H2AX: variants seen among roughly 807,000 people sequenced by gnomAD.
H2AX encodes H2A.X variant histone, also known as histone H2AX.
In H2AX, 2 loss-of-function variants were observed where a neutral mutation model predicts 8.0. The ratio of observed to expected loss-of-function variants is 0.25; its 90% CI spans 0.10 to 0.79. The LOEUF is 0.79. H2AX is among the 30% of genes least tolerant of loss of function. H2AX has a pLI of 0.69. For missense variants in H2AX, 105 were observed against 201.0 expected (o/e 0.52, Z 2.89); for synonymous variants, 110 against 102.5 (o/e 1.07, Z -0.44).
rs1413031146 is a variant in H2AX, at chr11:119,095,373, C to T, written c.22G>A (p.Gly8Ser). The change falls in exon 1 of 1, where the codon GGC (glycine) becomes AGC (serine). Residue 8 changes from glycine (G) to serine (S), a missense_variant. Physicochemically the swap from Gly to Ser is moderately conservative, Grantham distance 56 (BLOSUM62 0). This residue lies in a region of H2AX where 21 missense variants were observed against 22.7 expected (regional missense o/e 0.93). Coordinates refer to ENST00000530167, the MANE Select transcript of H2AX (RefSeq NM_002105.3). ...TTGGCCTTGGCGCGGGCCTTGCCGCCAGTCTTGCCGCGGCCCGACATGCTA... is the reference window on the plus strand; with the variant it reads ...TTGGCCTTGGCGCGGGCCTTGCCGCTAGTCTTGCCGCGGCCCGACATGCTA... MSGRGKT[G>S]GKARAKAKSR... The T allele has an allele frequency of 6.3e-7, 1 of 1,576,442 alleles. No homozygotes were observed. The highest frequency in any genetic ancestry group is 8.6e-7 in the Non-Finnish European group (1 of 1,164,996).
In H2AX at chr11:119,095,436, A is replaced by T. The variant is rs1288405784; in HGVS notation, c.-42T>A. 1 of 1,459,468 alleles carries T rather than the reference A, an allele frequency of 6.9e-7. No individual in the cohort carries two copies. Among genetic ancestry groups the T allele is most frequent in the Non-Finnish European group, 9.0e-7 (1 of 1,112,344 alleles). 90.4% of individuals were successfully genotyped at this position (1,459,468 alleles called of 1,614,324 possible). A position where few individuals can be genotyped will look rare whatever the true frequency, so the allele number is the denominator to read the frequency against. ...GGTGAAGCACGACGGCTCAAACACT[A>T]GAACAGACGCCCGCCGCAGTGTAAC... On this transcript the variant is annotated 5_prime_UTR_variant, in exon 1 of 1. Transcript: ENST00000530167.
Position 119,094,919 on chromosome 11 carries a change from G to A in H2AX, c.*44C>T, listed in dbSNP as rs1338336716. 6.5e-7 allele frequency: 1 copy of A among 1,545,216 alleles called. No individual in the cohort carries two copies. Among genetic ancestry groups the A allele is most frequent in the Non-Finnish European group, 8.7e-7 (1 of 1,149,540 alleles). On this transcript the variant is annotated 3_prime_UTR_variant, in exon 1 of 1. Transcript: ENST00000530167. ...TGGTGGCCCTTAAAAGGGCCTTTGTGGTGGCATGGGGAGGCCTGGCGGCCG... is the reference window on the plus strand; with the variant it reads ...TGGTGGCCCTTAAAAGGGCCTTTGTAGTGGCATGGGGAGGCCTGGCGGCCG...
rs958882640 is a variant in H2AX at position 119,095,218 on chromosome 11, G to A, written c.177C>T (p.Leu59=). 6 of 1,613,832 alleles carry A rather than the reference G, an allele frequency of 3.7e-6. No individual in the cohort carries two copies. The highest frequency in any genetic ancestry group is 4.2e-6 in the Non-Finnish European group (5 of 1,179,890). Residue 59 remains leucine (L), a synonymous_variant, in exon 1 of 1, where the codon CTC becomes CTT. Coordinates refer to ENST00000530167, the MANE Select transcript of H2AX (RefSeq NM_002105.3). The stretch of plus-strand genomic sequence containing the variant: ...CCGCCAGCTCCAGGATCTCAGCGGT[G>A]AGGTACTCCAGCACTGCCGCCAGGT... ...PVYLAAVLEY[L]TAEILELAGN...
At position 119,094,915 on chromosome 11, in the gene H2AX, T is replaced by G; in HGVS notation, c.*48A>C. On this transcript the variant is annotated 3_prime_UTR_variant, in exon 1 of 1. Transcript: ENST00000530167. ...GCGGTGGTGGCCCTTAAAAGGGCCT[T>G]TGTGGTGGCATGGGGAGGCCTGGCG... The G allele has an allele frequency of 6.5e-7, 1 of 1,532,692 alleles. No homozygotes were observed. Among genetic ancestry groups the G allele is most frequent in the Non-Finnish European group, 8.8e-7 (1 of 1,141,278 alleles). 94.9% of individuals were successfully genotyped at this position (1,532,692 alleles called of 1,614,324 possible).
At position 119,094,866 on chromosome 11, in the gene H2AX, A is replaced by G; in HGVS notation, c.*97T>C. On this transcript the variant is annotated 3_prime_UTR_variant, in exon 1 of 1. Coordinates refer to ENST00000530167, the MANE Select transcript of H2AX (RefSeq NM_002105.3). ...GCGGCCCGCTTGCCCCGCAGTCTGA[A>G]GCGGCTCAGCTCTTTCCATGAGGGC... 1.6e-6 allele frequency: 2 copies of G among 1,279,410 alleles called. No individual in the cohort carries two copies. Among genetic ancestry groups the G allele is most frequent in the Non-Finnish European group, 2.1e-6 (2 of 954,192 alleles). The allele number at this position is 1,279,410 out of a possible 1,614,324, so 79.3% of individuals were successfully genotyped here.
In H2AX at chr11:119,095,035, C is replaced by T. The variant is rs773214518; in HGVS notation, c.360G>A (p.Lys120=). The change falls in exon 1 of 1, where the codon AAG becomes AAA. Residue 120 remains lysine, a synonymous_variant. Coordinates refer to ENST00000530167, the MANE Select transcript of H2AX (RefSeq NM_002105.3). The stretch of plus-strand genomic sequence containing the variant: ...CCTTCGGCCCCACGGTGGCGCTGGT[C>T]TTCTTGGGCAGCAGCACGGCCTGGA... ...PNIQAVLLPK[K]TSATVGPKAP... The T allele has an allele frequency of 2.8e-5, 45 of 1,613,486 alleles. No homozygotes were observed. The highest frequency in any genetic ancestry group is 3.6e-5 in the Non-Finnish European group (42 of 1,179,816).
chr11:119,094,459 C>G lies in H2AX; in HGVS notation c.*504G>C, dbSNP rs1287553024. ...CTGCAGCTGCCGAGGGCCTCACTCA[C>G]CTTCAGGGCCGCCGGCCTCTCGGCC... On this transcript the variant is annotated 3_prime_UTR_variant, in exon 1 of 1. Transcript: ENST00000530167. 7 of 152,432 alleles carry G rather than the reference C, an allele frequency of 4.6e-5. No individual in the cohort carries two copies. The highest frequency in any genetic ancestry group is 4.6e-4 in the Admixed American group (7 of 15,292). The allele number at this position is 152,432 out of a possible 1,614,324, so 9.4% of individuals were successfully genotyped here. A position where few individuals can be genotyped will look rare whatever the true frequency, so the allele number is the denominator to read the frequency against.
At position 119,094,403 on chromosome 11, in the gene H2AX, C is replaced by A. The variant is rs2134891031; in HGVS notation, c.*560G>T. 1 of 152,396 alleles carries A rather than the reference C, an allele frequency of 6.6e-6. No homozygotes were observed. Among genetic ancestry groups the A allele is most frequent in the Admixed American group, 6.5e-5 (1 of 15,310 alleles). 9.4% of individuals were successfully genotyped at this position (152,396 alleles called of 1,614,324 possible). On this transcript the variant is annotated 3_prime_UTR_variant, in exon 1 of 1. Coordinates refer to ENST00000530167, the MANE Select transcript of H2AX (RefSeq NM_002105.3). ...CCGCGTCTGAAAGTCCTGGGCTAAG[C>A]ACCACGCCGGGGGGGTACCAGACAC...
Position 119,094,832 on chromosome 11 carries a change from A to C in H2AX, c.*131T>G. 1 of 973,406 alleles carries C rather than the reference A, an allele frequency of 1.0e-6. No homozygotes were observed. The highest frequency in any genetic ancestry group is 1.5e-6 in the Non-Finnish European group (1 of 687,246). 60.3% of individuals were successfully genotyped at this position (973,406 alleles called of 1,614,324 possible). A position where few individuals can be genotyped will look rare whatever the true frequency, so the allele number is the denominator to read the frequency against. On this transcript the variant is annotated 3_prime_UTR_variant, in exon 1 of 1. Coordinates refer to ENST00000530167, the MANE Select transcript of H2AX (RefSeq NM_002105.3). The stretch of plus-strand genomic sequence containing the variant: ...AAGGCGGGCGAGGGGAGGGGAGGGG[A>C]AGGGAGCCGCGGCCCGCTTGCCCCG...
Position 119,094,710 on chromosome 11 carries a change from C to G in H2AX, c.*253G>C. ...CGCATCCGGAAGGCCCGAACCCTAC[C>G]GGAGGGCGGACGGCGGACAGGGCAG... is the stretch of plus-strand genomic sequence containing the variant. On this transcript the variant is annotated 3_prime_UTR_variant, in exon 1 of 1. Coordinates refer to ENST00000530167, the MANE Select transcript of H2AX (RefSeq NM_002105.3). The G allele has an allele frequency of 5.1e-6, 2 of 392,110 alleles. No homozygotes were observed. The highest frequency in any genetic ancestry group is 4.4e-5 in the East Asian group (1 of 22,676). The allele number at this position is 392,110 out of a possible 1,614,324, so 24.3% of individuals were successfully genotyped here.
rs566668662 is a variant in H2AX at position 119,094,413 on chromosome 11, G to A, written c.*550C>T. ...AAGTCCTGGGCTAAGCACCACGCCG[G>A]GGGGGTACCAGACACCCCGGCTGCA... On this transcript the variant is annotated 3_prime_UTR_variant, in exon 1 of 1. Coordinates refer to ENST00000530167, the MANE Select transcript of H2AX (RefSeq NM_002105.3). The A allele has an allele frequency of 2.6e-5, 4 of 152,244 alleles. No individual in the cohort carries two copies. Among genetic ancestry groups the A allele is most frequent in the African/African-American group, 4.8e-5 (2 of 41,460 alleles). The allele number at this position is 152,244 out of a possible 1,614,324, so 9.4% of individuals were successfully genotyped here.
chr11:119,094,774 C>CG lies in H2AX; in HGVS notation c.*188dup. The CG allele has an allele frequency of 1.6e-6, 1 of 607,798 alleles. No homozygotes were observed. Among genetic ancestry groups the CG allele is most frequent in the Non-Finnish European group, 2.7e-6 (1 of 368,582 alleles). 37.7% of individuals were successfully genotyped at this position (607,798 alleles called of 1,614,324 possible). Reference sequence around the variant, plus strand: ...CGCGGCAGGCGGTGCGGGACGGGAGCGGGGGCGGGCGGGGACTCGAGGCCG... The same window carrying CG: ...CGCGGCAGGCGGTGCGGGACGGGAGCGGGGGGCGGGCGGGGACTCGAGGCCG... On this transcript the variant is annotated 3_prime_UTR_variant, in exon 1 of 1. Coordinates refer to ENST00000530167, the MANE Select transcript of H2AX (RefSeq NM_002105.3).
Position 119,094,882 on chromosome 11 carries a change from C to G in H2AX, c.*81G>C. 1 of 1,380,542 alleles carries G rather than the reference C, an allele frequency of 7.2e-7. No individual in the cohort carries two copies. The highest frequency in any genetic ancestry group is 1.5e-5 in the African/African-American group (1 of 68,662). 85.5% of individuals were successfully genotyped at this position (1,380,542 alleles called of 1,614,324 possible). A position where few individuals can be genotyped will look rare whatever the true frequency, so the allele number is the denominator to read the frequency against. On this transcript the variant is annotated 3_prime_UTR_variant, in exon 1 of 1. Coordinates refer to ENST00000530167, the MANE Select transcript of H2AX (RefSeq NM_002105.3). ...GCAGTCTGAAGCGGCTCAGCTCTTTCCATGAGGGCGGTGGTGGCCCTTAAA... is the reference window on the plus strand; with the variant it reads ...GCAGTCTGAAGCGGCTCAGCTCTTTGCATGAGGGCGGTGGTGGCCCTTAAA...
In H2AX at chr11:119,095,241, G is replaced by A. The variant is rs1946370993; in HGVS notation, c.154C>T (p.Leu52=). The change falls in exon 1 of 1, where the codon CTG becomes TTG. Residue 52 remains leucine (L), a synonymous_variant. Transcript: ENST00000530167. ...ERVGAGAPVY[L]AAVLEYLTAE... Reference sequence around the variant, plus strand: ...GTGAGGTACTCCAGCACTGCCGCCAGGTACACTGGCGCGCCGGCGCCAACG... The same window carrying A: ...GTGAGGTACTCCAGCACTGCCGCCAAGTACACTGGCGCGCCGGCGCCAACG... The A allele has an allele frequency of 6.2e-6, 10 of 1,613,602 alleles. No homozygotes were observed. The highest frequency in any genetic ancestry group is 1.3e-5 in the African/African-American group (1 of 74,944).
rs765950306 is a variant in H2AX at position 119,094,951 on chromosome 11, G to A, written c.*12C>T. On this transcript the variant is annotated 3_prime_UTR_variant, in exon 1 of 1. Transcript: ENST00000530167. ...TGGGGAGGCCTGGCGGCCGGCCGCG[G>A]CGCGGGCCCTCTTAGTACTCCTGGG... 2.7e-4 allele frequency: 423 copies of A among 1,589,188 alleles called. 1 individual carries two copies. The highest frequency in any genetic ancestry group is 3.5e-4 in the Non-Finnish European group (404 of 1,169,932).
In H2AX at chr11:119,095,465, T is replaced by A; in HGVS notation, c.-71A>T. 7 of 1,440,330 alleles carry A rather than the reference T, an allele frequency of 4.9e-6. No homozygotes were observed. The highest frequency in any genetic ancestry group is 6.4e-6 in the Non-Finnish European group (7 of 1,098,018). The allele number at this position is 1,440,330 out of a possible 1,614,324, so 89.2% of individuals were successfully genotyped here. A position where few individuals can be genotyped will look rare whatever the true frequency, so the allele number is the denominator to read the frequency against. On this transcript the variant is annotated 5_prime_UTR_variant, in exon 1 of 1. Transcript: ENST00000530167. ...CAGACGCCCGCCGCAGTGTAACTGC[T>A]GTCGCGCGCGCGCCGCGAGGCCGCC...
At position 119,095,056 on chromosome 11, in the gene H2AX, C is replaced by T. The variant is rs774182094; in HGVS notation, c.339G>A (p.Gln113=). Residue 113 remains glutamine (Q), a synonymous_variant, in exon 1 of 1, where the codon CAG becomes CAA. Transcript: ENST00000530167. ...IAQGGVLPNI[Q]AVLLPKKTSA... ...TGGTCTTCTTGGGCAGCAGCACGGC[C>T]TGGATGTTGGGCAGGACGCCTCCCT... 2 of 1,613,830 alleles carry T rather than the reference C, an allele frequency of 1.2e-6. No homozygotes were observed. The highest frequency in any genetic ancestry group is 2.2e-5 in the South Asian group (2 of 91,076).
Position 119,095,454 on chromosome 11 carries a change from A to C in H2AX, c.-60T>G. 1 of 1,457,634 alleles carries C rather than the reference A, an allele frequency of 6.9e-7. No homozygotes were observed. Among genetic ancestry groups the C allele is most frequent in the Non-Finnish European group, 9.0e-7 (1 of 1,110,222 alleles). 90.3% of individuals were successfully genotyped at this position (1,457,634 alleles called of 1,614,324 possible). A position where few individuals can be genotyped will look rare whatever the true frequency, so the allele number is the denominator to read the frequency against. On this transcript the variant is annotated 5_prime_UTR_variant, in exon 1 of 1. Transcript: ENST00000530167. ...AAACACTAGAACAGACGCCCGCCGC[A>C]GTGTAACTGCTGTCGCGCGCGCGCC...
In H2AX at chr11:119,095,424, G is replaced by C. The variant is rs112970707; in HGVS notation, c.-30C>G. 2.7e-6 allele frequency: 4 copies of C among 1,486,320 alleles called. No individual in the cohort carries two copies. Among genetic ancestry groups the C allele is most frequent in the Non-Finnish European group, 3.5e-6 (4 of 1,126,800 alleles). The allele number at this position is 1,486,320 out of a possible 1,614,324, so 92.1% of individuals were successfully genotyped here. A position where few individuals can be genotyped will look rare whatever the true frequency, so the allele number is the denominator to read the frequency against. On this transcript the variant is annotated 5_prime_UTR_variant, in exon 1 of 1. Transcript: ENST00000530167. ...GCGAGGTAGACCGGTGAAGCACGACGGCTCAAACACTAGAACAGACGCCCG... is the reference window on the plus strand; with the variant it reads ...GCGAGGTAGACCGGTGAAGCACGACCGCTCAAACACTAGAACAGACGCCCG...
Sources: gnomAD v4.1 joint callset for allele counts on GRCh38, gnomAD v4.1.1 for gene constraint, gnomAD v4.1.1 regional missense constraint, MANE v1.5 for transcripts, NCBI Gene and HGNC (gene_info 2026-07-23, HGNC 2026-07-21) for gene names.